The following SMIM35 variants were observed in gnomAD, a reference collection of about 807,000 sequenced individuals.
SMIM35 encodes small integral membrane protein 35, also known as TMPRSS4 antisense RNA 1 (non-protein coding).
intron 1 of SMIM35, among the ~76,000 whole-genome samples, chr11:118,017,453 A>G (rs1290670075): frequency 1.3e-5 from 2 of 152,224 alleles, no homozygotes; most frequent in Non-Finnish European, 2.9e-5. Context: ...GAGACAGGGA[A>G]GTCATAGAGA....
rs2058109649 is a variant in SMIM35, at chr11:118,003,898, G to A, written c.*2512C>T. On this transcript the variant is annotated 3_prime_UTR_variant, in exon 5 of 5. Transcript: ENST00000689828. ...ATGAGGCAGGAGGCAGAGAAACAGG[G>A]TAGGAGGCTGTCTTAGGCTGGGCTA... 1 of 152,264 alleles carries A rather than the reference G, an allele frequency of 6.6e-6. No individual in the cohort carries two copies. Among genetic ancestry groups the A allele is most frequent in the South Asian group, 2.1e-4 (1 of 4,834 alleles). 9.4% of individuals were successfully genotyped at this position (152,264 alleles called of 1,614,324 possible). A position where few individuals can be genotyped will look rare whatever the true frequency, so the allele number is the denominator to read the frequency against.
chr11:118,034,541 G>A (rs1011326060), intron 1 of SMIM35, among the ~76,000 whole-genome samples: 1 of 152,146 alleles, frequency 6.6e-6, no homozygotes, highest in African/African-American at 2.4e-5. Context: ...TGGGCAACAT[G>A]GCAAGACCCC....
intron 1 of SMIM35, among the ~76,000 whole-genome samples, chr11:118,040,969 T>C (rs1191565913): frequency 6.6e-6 from 1 of 151,440 alleles, no homozygotes; most frequent in Non-Finnish European, 1.5e-5. Flanking sequence ...TAATATATAA[T>C]GTATACCATA....
chr11:118,023,034 TTAAC>T (rs1340851713), intron 1 of SMIM35, among the ~76,000 whole-genome samples: 2 of 151,624 alleles, frequency 1.3e-5, no homozygotes, highest in African/African-American at 4.8e-5. Context: ...TCCAACTAAC[TTAAC>T]TGCTTCCCAA....
chr11:118,085,227 T>C (rs1945453120), intron 1 of SMIM35, among the ~76,000 whole-genome samples: 1 of 21,914 alleles, frequency 4.6e-5, no homozygotes, highest in Admixed American at 5.5e-4. Context: ...CTTCTTCTTC[T>C]TTTTTTTTTT....
chr11:118,071,033 T>C (rs569802662), intron 1 of SMIM35, among the ~76,000 whole-genome samples: 8 of 152,180 alleles, frequency 5.3e-5, no homozygotes, highest in Non-Finnish European at 1.2e-4. Flanking sequence ...AAAGACAAAA[T>C]GAGACAATGA....
At chr11:118,016,374 G>C (rs2058183313) in intron 1 of SMIM35, among the ~76,000 whole-genome samples, 1 of 152,162 alleles carries the variant, frequency 6.6e-6, no homozygotes, top group African/African-American at 2.4e-5. Context: ...AGAGAGAGAG[G>C]TTGGAAACCT....
intron 1 of SMIM35, among the ~76,000 whole-genome samples, chr11:118,066,312 G>A (rs1205936108): frequency 1.3e-5 from 2 of 152,032 alleles, no homozygotes; most frequent in Non-Finnish European, 2.9e-5. Context: ...CTGCCCTCCT[G>A]GCTGCCCTAC....
intron 1 of SMIM35, among the ~76,000 whole-genome samples, chr11:118,018,553 G>A (rs1042585779): frequency 3.9e-5 from 6 of 152,270 alleles, no homozygotes; most frequent in East Asian, 1.9e-4. Context: ...ACAGGTGGAC[G>A]GACAGATGTC....
intron 1 of SMIM35, among the ~76,000 whole-genome samples, chr11:118,060,236 C>A (rs1944375196): frequency 6.6e-6 from 1 of 152,234 alleles, no homozygotes; most frequent in African/African-American, 2.4e-5. Flanking sequence ...CCAGACCACT[C>A]CCCATCCCAC....
intron 1 of SMIM35, among the ~76,000 whole-genome samples, chr11:118,016,128 G>A (rs988527482): frequency 4.6e-5 from 7 of 152,100 alleles, no homozygotes; most frequent in Non-Finnish European, 1.0e-4. Context: ...GGGTGAGCCT[G>A]GGAGGTCCAG....
At chr11:118,055,191 G>A (rs1011966556) in intron 1 of SMIM35, among the ~76,000 whole-genome samples, 7 of 152,258 alleles carry the variant, frequency 4.6e-5, no homozygotes, top group African/African-American at 4.8e-5. Context: ...AGGGAAGGCC[G>A]TCCCTGCCTC....
intron 3 of SMIM35, among the ~76,000 whole-genome samples, chr11:118,014,185 C>T (rs1258858313): frequency 6.6e-6 from 1 of 152,162 alleles, no homozygotes; most frequent in Non-Finnish European, 1.5e-5. Context: ...GACCTGTCTC[C>T]AGCAGAGACA....
intron 1 of SMIM35, among the ~76,000 whole-genome samples, chr11:118,078,167 C>T (rs182462894): frequency 6.6e-5 from 10 of 152,170 alleles, no homozygotes; most frequent in Admixed American, 3.9e-4. Context: ...ATACCTGGAG[C>T]GTCTTCGCTG....
chr11:118,041,800 C>T (rs1944005025), intron 1 of SMIM35, among the ~76,000 whole-genome samples: 1 of 152,028 alleles, frequency 6.6e-6, no homozygotes, highest in Admixed American at 6.6e-5. Flanking sequence ...CCTGTAACCC[C>T]AGCACTTTGG....
intron 1 of SMIM35, among the ~76,000 whole-genome samples, chr11:118,061,705 C>A (rs1351574991): frequency 6.6e-6 from 1 of 152,128 alleles, no homozygotes; most frequent in Non-Finnish European, 1.5e-5. Context: ...CTGCTGGACA[C>A]CGATTAGCTT....
chr11:118,069,931 G>A (rs2135139117), intron 1 of SMIM35, among the ~76,000 whole-genome samples: 1 of 152,184 alleles, frequency 6.6e-6, no homozygotes, highest in South Asian at 2.1e-4. Flanking sequence ...GGTGGTGGCA[G>A]GCACCTGTAA....
At chr11:118,044,809 A>G (rs1944070432) in intron 1 of SMIM35, among the ~76,000 whole-genome samples, 1 of 138,714 alleles carries the variant, frequency 7.2e-6, no homozygotes, top group Non-Finnish European at 1.6e-5. Flanking sequence ...ACTAAAAAAA[A>G]AACAAAACAA....
intron 1 of SMIM35, among the ~76,000 whole-genome samples, chr11:118,066,007 C>T (rs61900592): frequency 8.5e-5 from 13 of 152,072 alleles, no homozygotes; most frequent in African/African-American, 2.9e-4. Flanking sequence ...TGACCCAGCC[C>T]GCTCGCTCAC....
Sources: allele counts gnomAD v4.1 joint callset (sites outside exome capture counted in the v4.1 genomes callset), GRCh38; gene constraint gnomAD v4.1.1; transcripts MANE v1.5; gene names NCBI Gene and HGNC (gene_info 2026-07-23, HGNC 2026-07-21).